The following CLASP1 variants were observed in gnomAD, a reference collection of about 807,000 sequenced individuals.
The protein encoded by CLASP1 is cytoplasmic linker associated protein 1.
A neutral mutation model predicts 192.3 loss-of-function variants in CLASP1; 38 were observed. The ratio of observed to expected loss-of-function variants is 0.20; its 90% CI spans 0.15 to 0.26. The LOEUF (loss-of-function observed/expected upper bound fraction) is 0.26. Among genes scored for constraint, CLASP1 ranks in the 10% least tolerant of loss-of-function variants. The pLI, the probability that CLASP1 is intolerant of heterozygous loss-of-function variation, is 1.00. For synonymous variants in CLASP1, 691 were observed against 712.8 expected (o/e 0.97, Z 0.49); for missense variants, 1,433 against 1,932.5 (o/e 0.74, Z 4.85).
At chr2:121,472,303 G>A (rs1428268428) in intron 8 of CLASP1, among the ~76,000 whole-genome samples, 4 of 152,170 alleles carry the variant, frequency 2.6e-5, no homozygotes, top group Non-Finnish European at 5.9e-5. Flanking sequence ...TAGACTAGAC[G>A]TGGATGACTT....
At chr2:121,573,232 T>TTAC (rs1320304446) in intron 2 of CLASP1, among the ~76,000 whole-genome samples, 4 of 152,172 alleles carry the variant, frequency 2.6e-5, no homozygotes, top group African/African-American at 9.7e-5. Flanking sequence ...AGTGCTGGGA[T>TTAC]TACAGGCGTG....
At chr2:121,621,047 G>A (rs1253689899) in intron 1 of CLASP1, among the ~76,000 whole-genome samples, 4 of 151,886 alleles carry the variant, frequency 2.6e-5, no homozygotes, top group Non-Finnish European at 4.4e-5. Flanking sequence ...TGGGCAATGT[G>A]GCAAACCCTA....
chr2:121,578,235 G>A (rs555853253), intron 2 of CLASP1, among the ~76,000 whole-genome samples: 3 of 151,642 alleles, frequency 2.0e-5, no homozygotes, highest in Non-Finnish European at 4.4e-5. Context: ...ACACCCTGCC[G>A]CTAGAAAAGA....
chr2:121,359,640 C>T (rs191287449), intron 37 of CLASP1, among the ~76,000 whole-genome samples: 14 of 152,270 alleles, frequency 9.2e-5, no homozygotes, highest in South Asian at 4.1e-4. Flanking sequence ...CTGCAAACCA[C>T]GGTAACTTCA....
intron 30 of CLASP1, among the ~76,000 whole-genome samples, chr2:121,391,025 GT>G (rs1347466187): frequency 6.6e-6 from 1 of 152,028 alleles, no homozygotes; most frequent in East Asian, 1.9e-4. Flanking sequence ...CATGGTAGTG[GT>G]TGACATAAAC....
At chr2:121,416,395 A>G (rs556355068) in intron 23 of CLASP1, among the ~76,000 whole-genome samples, 2 of 152,374 alleles carry the variant, frequency 1.3e-5, no homozygotes, top group South Asian at 2.1e-4. Context: ...TCACTAGAAT[A>G]TAAGTACTGT....
At chr2:121,426,153 G>T (rs1017467091) in intron 21 of CLASP1, among the ~76,000 whole-genome samples, 4 of 151,102 alleles carry the variant, frequency 2.6e-5, no homozygotes, top group African/African-American at 9.7e-5. Context: ...TCTTAAAAAA[G>T]AACAAAAAAG....
intron 1 of CLASP1, among the ~76,000 whole-genome samples, chr2:121,644,586 T>C (rs192291270): frequency 4.3e-4 from 66 of 152,108 alleles, no homozygotes; most frequent in African/African-American, 1.4e-3. Flanking sequence ...ACCTGGGAGA[T>C]GGAGGCTGCA....
chr2:121,544,907 C>CTTTTTTTT (rs3078562), intron 2 of CLASP1, among the ~76,000 whole-genome samples: 18 of 122,880 alleles, frequency 1.5e-4, no homozygotes, highest in East Asian at 2.3e-4. Flanking sequence ...CTTTTCTTTT[C>CTTTTTTTT]TTTTTTTTTT....
At chr2:121,459,114 G>T in intron 12 of CLASP1, 139 bp from the exon 13 acceptor site, 1 of 555,178 alleles carries the variant, frequency 1.8e-6, no homozygotes, top group Non-Finnish European at 3.0e-6. Context: ...TGCATGTTAA[G>T]AACTTGGCAA....
intron 2 of CLASP1, among the ~76,000 whole-genome samples, chr2:121,553,766 T>C (rs903675566): frequency 6.6e-6 from 1 of 152,182 alleles, no homozygotes; most frequent in African/African-American, 2.4e-5. Context: ...TATCTTTAAT[T>C]ATTCATCATT....
chr2:121,393,129 T>C (rs548062007), intron 30 of CLASP1, among the ~76,000 whole-genome samples: 1 of 152,344 alleles, frequency 6.6e-6, no homozygotes, highest in South Asian at 2.1e-4. Flanking sequence ...TGTATGGACT[T>C]AGAGAATGAA....
chr2:121,416,666 A>G (rs530208786), intron 23 of CLASP1, among the ~76,000 whole-genome samples: 2 of 152,316 alleles, frequency 1.3e-5, no homozygotes, highest in Admixed American at 1.3e-4. Flanking sequence ...CCCGACCCCA[A>G]GAAGCCTCAG....
At chr2:121,385,113 G>C (rs2072909548) in intron 32 of CLASP1, among the ~76,000 whole-genome samples, 1 of 152,116 alleles carries the variant, frequency 6.6e-6, no homozygotes, top group South Asian at 2.1e-4. Flanking sequence ...ATTCTATTTA[G>C]TGCAATAATT....
intron 1 of CLASP1, among the ~76,000 whole-genome samples, chr2:121,611,243 AGGCGTT>A (rs1383323106): frequency 6.1e-5 from 8 of 130,628 alleles, no homozygotes; most frequent in Non-Finnish European, 9.9e-5. Flanking sequence ...CTGGAGGAGG[AGGCGTT>A]GGAGGAGTTA....
chr2:121,511,575 C>T (rs1286615545), intron 7 of CLASP1, among the ~76,000 whole-genome samples: 1 of 142,392 alleles, frequency 7.0e-6, no homozygotes, highest in African/African-American at 2.6e-5. Flanking sequence ...GCAACAAGAG[C>T]GAAACTCCAT....
intron 8 of CLASP1, among the ~76,000 whole-genome samples, chr2:121,494,704 T>C (rs1177705439): frequency 2.0e-5 from 3 of 152,276 alleles, no homozygotes; most frequent in African/African-American, 7.2e-5. Flanking sequence ...CATAAATATA[T>C]ACAACTGATA....
chr2:121,515,524 A>C, intron 7 of CLASP1, 141 bp downstream of exon 7: 1 of 671,894 alleles, frequency 1.5e-6, no homozygotes, highest in Non-Finnish European at 2.6e-6. Context: ...TCTGGATAAA[A>C]TCTCCAACTA....
intron 8 of CLASP1, among the ~76,000 whole-genome samples, chr2:121,495,093 C>T (rs986247578): frequency 9.9e-5 from 15 of 151,028 alleles, no homozygotes; most frequent in East Asian, 3.9e-4. Flanking sequence ...GAGGCCGAGG[C>T]GGGCGGATCA....
Sources: gnomAD v4.1 joint callset for allele counts (sites outside exome capture counted in the v4.1 genomes callset) on GRCh38, gnomAD v4.1.1 for gene constraint, MANE v1.5 for transcripts, NCBI Gene and HGNC (gene_info 2026-07-23, HGNC 2026-07-21) for gene names.